The following SUPT3H variants were observed in gnomAD, a reference collection of about 807,000 sequenced individuals.
SUPT3H encodes the protein SPT3 homolog, SAGA and STAGA complex component.
In SUPT3H, 44 loss-of-function variants were observed where a neutral mutation model predicts 44.3. The observed-to-expected ratio is 0.99, with a 90% CI of 0.78 to 1.28. The LOEUF is 1.28. Ranked by LOEUF, SUPT3H falls within the 50% of genes most tolerant of loss-of-function variation. The pLI is 0.00. For synonymous variants in SUPT3H, 124 were observed against 125.6 expected, an observed-to-expected ratio of 0.99 and a Z score of 0.09; for missense variants, 380 against 387.1, an observed-to-expected ratio of 0.98 and a Z score of 0.15.
intron 10 of SUPT3H, among the ~76,000 whole-genome samples, chr6:44,860,397 C>T (rs1774457019): frequency 6.6e-6 from 1 of 152,148 alleles, no homozygotes; most frequent in South Asian, 2.1e-4. Context: ...TAAAACACAA[C>T]ATACCCTATA....
rs1445639269 is a variant in SUPT3H at position 45,025,921 on chromosome 6, A to T, written c.187-5289T>A. On this transcript the variant is annotated intron_variant, in intron 3 of 10. Transcript: ENST00000371459. ...AAAAATGTACAACAGAATTAAGTTGATTATTCCACAATTACTAAGCTACTG... is the reference window on the plus strand; with the variant it reads ...AAAAATGTACAACAGAATTAAGTTGTTTATTCCACAATTACTAAGCTACTG... 3.3e-5 allele frequency among the ~76,000 whole-genome samples: 5 copies of T among 151,458 alleles called. No individual in the cohort carries two copies. The East Asian group carries it at 9.7e-4, about 29-fold the overall frequency.
intron 10 of SUPT3H, among the ~76,000 whole-genome samples, chr6:44,868,849 C>A (rs937056319): frequency 1.3e-5 from 2 of 152,232 alleles, no homozygotes; most frequent in Admixed American, 6.5e-5. Flanking sequence ...AACTGCAGAC[C>A]TCCTGCTGCA....
chr6:45,041,139 C>T (rs1304504024), intron 3 of SUPT3H, among the ~76,000 whole-genome samples: 2 of 152,038 alleles, frequency 1.3e-5, no homozygotes, highest in Non-Finnish European at 2.9e-5. Flanking sequence ...ATATCCCTAG[C>T]TTCAAGGGGC....
intron 2 of SUPT3H, among the ~76,000 whole-genome samples, chr6:45,152,602 G>C (rs928146167): frequency 6.6e-6 from 1 of 151,910 alleles, no homozygotes; most frequent in Non-Finnish European, 1.5e-5. Flanking sequence ...AGTGATTCTC[G>C]TGCCTCAGCC....
At chr6:45,300,320 A>T (rs1368441027) in intron 2 of SUPT3H, among the ~76,000 whole-genome samples, 3 of 152,236 alleles carry the variant, frequency 2.0e-5, no homozygotes, top group Non-Finnish European at 4.4e-5. Flanking sequence ...GTTTTCTCTC[A>T]CAAGTTGATT....
At chr6:44,933,569 C>T (rs916661033) in intron 9 of SUPT3H, among the ~76,000 whole-genome samples, 5 of 152,142 alleles carry the variant, frequency 3.3e-5, no homozygotes, top group African/African-American at 9.7e-5. Flanking sequence ...ATTATAATTG[C>T]TTGTAGGACT....
intron 2 of SUPT3H, among the ~76,000 whole-genome samples, chr6:45,168,184 G>C (rs1285175088): frequency 6.6e-6 from 1 of 152,086 alleles, no homozygotes; most frequent in Non-Finnish European, 1.5e-5. Context: ...CTTTTAGTTT[G>C]TTTGGAAAAC....
intron 3 of SUPT3H, among the ~76,000 whole-genome samples, chr6:45,062,134 G>T (rs1446382521): frequency 6.6e-6 from 1 of 151,572 alleles, no homozygotes; most frequent in African/African-American, 2.4e-5. Flanking sequence ...GTCTGATATG[G>T]CAAAGGATAC....
rs1026584244 is a variant in SUPT3H, at chr6:45,283,698, AT to A, written c.101+81502del. Reference sequence around the variant, plus strand: ...CCAACGAGACAGAAAGTTAACAAGGATACCCAGGAATTGAACTCAGCTTTTC... The same window carrying A: ...CCAACGAGACAGAAAGTTAACAAGGAACCCAGGAATTGAACTCAGCTTTTC... On this transcript the variant is annotated intron_variant, in intron 2 of 10. Coordinates refer to ENST00000371459, the MANE Select transcript of SUPT3H (RefSeq NM_003599.4). Among the ~76,000 whole-genome samples, 10 of 152,086 alleles carry A rather than the reference AT, an allele frequency of 6.6e-5. 1 individual carries two copies. The highest frequency in any genetic ancestry group is 2.6e-4 in the Admixed American group (4 of 15,260).
chr6:44,855,399 C>G (rs1773561636), intron 10 of SUPT3H, among the ~76,000 whole-genome samples: 1 of 152,116 alleles, frequency 6.6e-6, no homozygotes, highest in Non-Finnish European at 1.5e-5. Flanking sequence ...CGAATACAAA[C>G]TAATGCAAAA....
At chr6:45,181,562 T>G (rs1813192504) in intron 2 of SUPT3H, among the ~76,000 whole-genome samples, 1 of 151,776 alleles carries the variant, frequency 6.6e-6, no homozygotes, top group South Asian at 2.1e-4. Context: ...TCATGTCCTT[T>G]GTAGGGACAT....
chr6:45,072,959 C>T (rs976684724), intron 3 of SUPT3H, among the ~76,000 whole-genome samples: 2 of 152,008 alleles, frequency 1.3e-5, no homozygotes, highest in African/African-American at 2.4e-5. Flanking sequence ...TTAGAAGCCA[C>T]GAAACAATAG....
chr6:45,261,235 A>G (rs1774314495), intron 2 of SUPT3H, among the ~76,000 whole-genome samples: 1 of 152,102 alleles, frequency 6.6e-6, no homozygotes, highest in African/African-American at 2.4e-5. Flanking sequence ...CTCCAGCATC[A>G]TTCTGATACC....
chr6:44,937,540 A>G (rs1771659708), intron 9 of SUPT3H, among the ~76,000 whole-genome samples: 1 of 151,966 alleles, frequency 6.6e-6, no homozygotes, highest in Non-Finnish European at 1.5e-5. Context: ...ACTAATTTAC[A>G]TTCCCAACAA....
chr6:44,963,713 G>T (rs1394454674), intron 6 of SUPT3H, among the ~76,000 whole-genome samples: 1 of 152,102 alleles, frequency 6.6e-6, no homozygotes, highest in Non-Finnish European at 1.5e-5. Flanking sequence ...TACAAAAAAA[G>T]TTGCAGCTGG....
At chr6:45,297,077 T>TAAA (rs373194598) in intron 2 of SUPT3H, among the ~76,000 whole-genome samples, 3 of 141,474 alleles carry the variant, frequency 2.1e-5, no homozygotes, top group East Asian at 2.1e-4. Context: ...GAAATAAATT[T>TAAA]AAAAAAAAAA....
intron 1 of SUPT3H, among the ~76,000 whole-genome samples, chr6:45,371,257 A>T (rs1480633292): frequency 6.6e-6 from 1 of 152,212 alleles, no homozygotes; most frequent in Non-Finnish European, 1.5e-5. Context: ...TTAAACATAA[A>T]CAATTTACAA....
At chr6:44,910,754 G>A (rs1766888141) in intron 10 of SUPT3H, among the ~76,000 whole-genome samples, 1 of 151,160 alleles carries the variant, frequency 6.6e-6, no homozygotes, top group African/African-American at 2.4e-5. Flanking sequence ...AGCACTTTAT[G>A]AGGCCGAGGA....
intron 3 of SUPT3H, among the ~76,000 whole-genome samples, chr6:45,077,647 A>AAAAAAAAAAAG (rs1554233652): frequency 1.1e-5 from 1 of 89,320 alleles, no homozygotes; most frequent in African/African-American, 6.1e-5. Flanking sequence ...AAAAAAGAAA[A>AAAAAAAAAAAG]GAAAAAAAAA....
Sources: allele counts gnomAD v4.1 joint callset (sites outside exome capture counted in the v4.1 genomes callset), GRCh38; gene constraint gnomAD v4.1.1; transcripts MANE v1.5; gene names NCBI Gene and HGNC (gene_info 2026-07-23, HGNC 2026-07-21).